The following GALNT18 variants were observed in gnomAD, a reference collection of about 807,000 sequenced individuals.
GALNT18 encodes polypeptide N-acetylgalactosaminyltransferase 18.
GALNT18 carries 44 observed loss-of-function variants against 69.5 expected under a neutral mutation model. The ratio of observed to expected loss-of-function variants is 0.63; its 90% CI spans 0.50 to 0.81. GALNT18 has a LOEUF of 0.81. Among genes scored for constraint, GALNT18 ranks in the 40% least tolerant of loss-of-function variants. The pLI is 0.00. For synonymous variants in GALNT18, 364 were observed against 318.2 expected, an observed-to-expected ratio of 1.14 and a Z score of -1.53; for missense variants, 715 against 810.0, an observed-to-expected ratio of 0.88 and a Z score of 1.42.
intron 1 of GALNT18, among the ~76,000 whole-genome samples, chr11:11,549,911 G>T (rs1858150356): frequency 6.6e-6 from 1 of 152,216 alleles, no homozygotes; most frequent in Non-Finnish European, 1.5e-5. Context: ...AAAGTCAAGG[G>T]CCTGTCCTGG....
chr11:11,519,955 C>A (rs1042270315), intron 1 of GALNT18, among the ~76,000 whole-genome samples: 2 of 152,224 alleles, frequency 1.3e-5, no homozygotes, highest in Non-Finnish European at 2.9e-5. Context: ...AGGAGCGACA[C>A]TGGATCAGGT....
At chr11:11,406,869 A>T (rs1294087758) in intron 3 of GALNT18, among the ~76,000 whole-genome samples, 1 of 152,224 alleles carries the variant, frequency 6.6e-6, no homozygotes, top group African/African-American at 2.4e-5. Context: ...TTTGGAAGAA[A>T]GCCCAAGGCC....
At chr11:11,376,894 A>T (rs888659501) in intron 5 of GALNT18, among the ~76,000 whole-genome samples, 7 of 152,144 alleles carry the variant, frequency 4.6e-5, no homozygotes, top group Non-Finnish European at 8.8e-5. Flanking sequence ...TGGCAGTGGG[A>T]ACCAAATCTT....
chr11:11,480,078 G>T lies in GALNT18; in HGVS notation c.236-31142C>A, dbSNP rs1856490811. On this transcript the variant is annotated intron_variant, in intron 1 of 10. Transcript: ENST00000227756. This position sits in a 1 kb window ranked among gnomAD's most constrained non-coding sequence, Gnocchi z 4.6. Reference sequence around the variant, plus strand: ...ATCTTGGAGCGGGGAGGGGGTACAGGAGGCAGAAAATACTGCTATTTGTCA... The same window carrying T: ...ATCTTGGAGCGGGGAGGGGGTACAGTAGGCAGAAAATACTGCTATTTGTCA... 6.6e-6 allele frequency among the ~76,000 whole-genome samples: 1 copy of T among 151,860 alleles called. No homozygotes were observed. Among genetic ancestry groups the T allele is most frequent in the South Asian group, 2.1e-4 (1 of 4,792 alleles).
intron 1 of GALNT18, among the ~76,000 whole-genome samples, chr11:11,514,337 G>T (rs1411839485): frequency 6.6e-6 from 1 of 152,190 alleles, no homozygotes; most frequent in Non-Finnish European, 1.5e-5. Flanking sequence ...TCCCCATTTG[G>T]AATAGCAGAA....
intron 7 of GALNT18, among the ~76,000 whole-genome samples, chr11:11,334,083 G>A (rs1039660476): frequency 9.2e-5 from 14 of 152,116 alleles, no homozygotes; most frequent in African/African-American, 3.4e-4. Context: ...TGGTCCATAT[G>A]CTCTCTTTGT....
At chr11:11,352,760 G>C (rs1409801003) in intron 6 of GALNT18, 1 of 1,614,182 alleles carries the variant, frequency 6.2e-7, no homozygotes, top group South Asian at 1.1e-5. Context: ...ATTGCTTGAA[G>C]TCTGTGTTGT....
rs1850150086 is a variant in GALNT18 at position 11,338,464 on chromosome 11, T to C, written c.1278+2355A>G. Reference sequence around the variant, plus strand: ...TCGGGGTGGGAAGGAGGGCTTGTGATTGACTGGGACAGGGCATTGAGAGAG... The same window carrying C: ...TCGGGGTGGGAAGGAGGGCTTGTGACTGACTGGGACAGGGCATTGAGAGAG... On this transcript the variant is annotated intron_variant, in intron 7 of 10. Transcript: ENST00000227756. The surrounding 1 kb of genome is among the most constrained non-coding windows in gnomAD (Gnocchi z 5.3). Among the ~76,000 whole-genome samples the C allele has an allele frequency of 6.6e-6, 1 of 152,076 alleles. No individual in the cohort carries two copies. The highest frequency in any genetic ancestry group is 1.5e-5 in the Non-Finnish European group (1 of 68,022).
intron 1 of GALNT18, among the ~76,000 whole-genome samples, chr11:11,476,928 C>G (rs985052914): frequency 2.0e-5 from 3 of 152,178 alleles, no homozygotes; most frequent in Non-Finnish European, 4.4e-5. Context: ...GATTGAGGGA[C>G]AAAGGACTGC....
rs774442874 is a variant in GALNT18, at chr11:11,541,202, C to T, written c.235+80157G>A. On this transcript the variant is annotated intron_variant, in intron 1 of 10. Transcript: ENST00000227756. The surrounding 1 kb of genome is among the most constrained non-coding windows in gnomAD (Gnocchi z 4.8). ...ACCTACAAGTTCTTTCACCCTCCCTCAGGAATCAGGGTCAGCCCAGTGCCA... is the reference window on the plus strand; with the variant it reads ...ACCTACAAGTTCTTTCACCCTCCCTTAGGAATCAGGGTCAGCCCAGTGCCA... 4.6e-5 allele frequency among the ~76,000 whole-genome samples: 7 copies of T among 152,176 alleles called. No homozygotes were observed. Among genetic ancestry groups the T allele is most frequent in the Non-Finnish European group, 8.8e-5 (6 of 68,038 alleles).
rs1424771225 is a variant in GALNT18, at chr11:11,621,392, G to C, written c.202C>G (p.His68Asp). 6.2e-7 allele frequency: 1 copy of C among 1,614,056 alleles called. No homozygotes were observed. The highest frequency in any genetic ancestry group is 1.7e-5 in the Admixed American group (1 of 60,028). The stretch of plus-strand genomic sequence containing the variant: ...TGCTGCTTGATGACATTCTCCAGGT[G>C]GTCCAGCCGCTCAATAATCTTCAGA... ...DTLKIIERLD[H>D]LENVIKQHIQ... The change falls in exon 1 of 11, where the codon CAC (histidine) becomes GAC (aspartate). Residue 68 changes from histidine to aspartate, a missense_variant. His to Asp is a moderately conservative substitution (Grantham distance 81). Coordinates refer to ENST00000227756, the MANE Select transcript of GALNT18 (RefSeq NM_198516.3). The surrounding 1 kb of genome is among the most constrained non-coding windows in gnomAD (Gnocchi z 9.3).
Position 11,377,776 on chromosome 11 carries a change from T to C in GALNT18, c.780-397A>G, listed in dbSNP as rs541438832. Among the ~76,000 whole-genome samples the C allele has an allele frequency of 1.3e-5, 2 of 152,276 alleles. No individual in the cohort carries two copies. Among genetic ancestry groups the C allele is most frequent in the Admixed American group, 6.5e-5 (1 of 15,306 alleles). On this transcript the variant is annotated intron_variant, in intron 4 of 10. Transcript: ENST00000227756. This position sits in a 1 kb window ranked among gnomAD's most constrained non-coding sequence, Gnocchi z 4.6. ...GGGCTTTGATTTTGCTAAAATTCTA[T>C]GTGTCAACCTGGAGGAAAAGACAGA...
chr11:11,568,163 T>C (rs991810289), intron 1 of GALNT18, among the ~76,000 whole-genome samples: 1 of 152,194 alleles, frequency 6.6e-6, no homozygotes, highest in African/African-American at 2.4e-5. Flanking sequence ...CGAGAAAGTA[T>C]GTGGAGCAGA....
chr11:11,566,782 C>A (rs762306490), intron 1 of GALNT18, among the ~76,000 whole-genome samples: 4 of 152,300 alleles, frequency 2.6e-5, no homozygotes, highest in African/African-American at 9.6e-5. Context: ...TTCAGAGGAA[C>A]AAAAGGTCCT....
rs938528963 is a variant in GALNT18, at chr11:11,614,748, T to C, written c.235+6611A>G. Reference sequence around the variant, plus strand: ...AGCTGAACTTCAAGGCCCTCATAAATGACAAAACCAGACGTGGCTCTCTGA... The same window carrying C: ...AGCTGAACTTCAAGGCCCTCATAAACGACAAAACCAGACGTGGCTCTCTGA... On this transcript the variant is annotated intron_variant, in intron 1 of 10. Coordinates refer to ENST00000227756, the MANE Select transcript of GALNT18 (RefSeq NM_198516.3). The surrounding 1 kb of genome is among the most constrained non-coding windows in gnomAD (Gnocchi z 5.6). 6.6e-6 allele frequency among the ~76,000 whole-genome samples: 1 copy of C among 152,196 alleles called. No homozygotes were observed. Among genetic ancestry groups the C allele is most frequent in the African/African-American group, 2.4e-5 (1 of 41,462 alleles).
At chr11:11,310,112 TC>T (rs1849644354) in intron 9 of GALNT18, among the ~76,000 whole-genome samples, 1 of 152,144 alleles carries the variant, frequency 6.6e-6, no homozygotes, top group African/African-American at 2.4e-5. Context: ...TGACTCCACT[TC>T]CTCATTTGCT....
intron 5 of GALNT18, among the ~76,000 whole-genome samples, chr11:11,375,357 C>A (rs1422158932): frequency 6.6e-6 from 1 of 152,226 alleles, no homozygotes; most frequent in Non-Finnish European, 1.5e-5. Context: ...ATGACATTGT[C>A]TGGCAAGGAC....
Position 11,494,788 on chromosome 11 carries a change from T to G in GALNT18, c.236-45852A>C, listed in dbSNP as rs1856838512. On this transcript the variant is annotated intron_variant, in intron 1 of 10. Coordinates refer to ENST00000227756, the MANE Select transcript of GALNT18 (RefSeq NM_198516.3). This position sits in a 1 kb window ranked among gnomAD's most constrained non-coding sequence, Gnocchi z 5.7. ...GAGATGAATCCGGCCCATCGTGCTA[T>G]TATTCAAAGCTGGTGTAAGACTAAT... Among the ~76,000 whole-genome samples the G allele has an allele frequency of 6.6e-6, 1 of 152,222 alleles. No individual in the cohort carries two copies. The highest frequency in any genetic ancestry group is 1.5e-5 in the Non-Finnish European group (1 of 68,034).
At chr11:11,364,641 G>C (rs4910326) in intron 6 of GALNT18, among the ~76,000 whole-genome samples, 37,917 of 152,052 alleles carry the variant, frequency 0.25, 5,171 homozygotes, top group Middle Eastern at 0.32. Flanking sequence ...TTCAAGCAAA[G>C]AAATTGTATA....
Sources: gnomAD v4.1 joint callset for allele counts (sites outside exome capture counted in the v4.1 genomes callset) on GRCh38, gnomAD v4.1.1 for gene constraint, Gnocchi (gnomAD v3.1) non-coding constraint, MANE v1.5 for transcripts, NCBI Gene and HGNC (gene_info 2026-07-23, HGNC 2026-07-21) for gene names.